FNDC3B: variants seen among roughly 807,000 people sequenced by gnomAD.
FNDC3B encodes fibronectin type III domain-containing protein 3B.
Under a neutral mutation model 151.5 loss-of-function variants are expected in FNDC3B, and 12 were observed. The ratio of observed to expected loss-of-function variants is 0.08; its 90% CI spans 0.05 to 0.13. FNDC3B has a LOEUF of 0.13. FNDC3B is among the 10% of genes least tolerant of loss of function. The pLI, the probability that FNDC3B is intolerant of heterozygous loss-of-function variation, is 1.00. For missense variants in FNDC3B, 1,214 were observed against 1,505.3 expected (o/e 0.81, Z 3.20); for synonymous variants, 528 against 549.0 (o/e 0.96, Z 0.54).
At chr3:172,192,349 T>C (rs1724563920) in intron 3 of FNDC3B, among the ~76,000 whole-genome samples, 1 of 151,728 alleles carries the variant, frequency 6.6e-6, no homozygotes, top group Admixed American at 6.6e-5. Context: ...ATTATTATTA[T>C]TATTATTTTG....
intron 21 of FNDC3B, among the ~76,000 whole-genome samples, chr3:172,350,077 AG>A (rs1181113868): frequency 6.6e-6 from 1 of 152,222 alleles, no homozygotes; most frequent in Admixed American, 6.5e-5. Flanking sequence ...CTTTTCTGTA[AG>A]TATAAAAGTA....
chr3:172,181,895 A>G (rs573700060), intron 3 of FNDC3B, among the ~76,000 whole-genome samples: 1 of 148,868 alleles, frequency 6.7e-6, no homozygotes, highest in African/African-American at 2.5e-5. Context: ...CACTGAGTGG[A>G]TTTCATTATG....
intron 6 of FNDC3B, among the ~76,000 whole-genome samples, chr3:172,269,936 C>T (rs13071684): frequency 0.063 from 9,602 of 152,236 alleles, 401 homozygotes; most frequent in Non-Finnish European, 0.08. Context: ...CGTGAGCCAC[C>T]GCACGCGGCC....
intron 3 of FNDC3B, among the ~76,000 whole-genome samples, chr3:172,220,823 G>A (rs1726242125): frequency 6.6e-6 from 1 of 152,100 alleles, no homozygotes. Context: ...GCTGGGTGTG[G>A]TGGCTCATGC....
intron 3 of FNDC3B, among the ~76,000 whole-genome samples, chr3:172,137,471 C>T (rs1721427698): frequency 6.6e-6 from 1 of 152,044 alleles, no homozygotes; most frequent in South Asian, 2.1e-4. Context: ...GCCTGGGCAA[C>T]ATAGTGAGAC....
chr3:172,151,603 T>C (rs1722226108), intron 3 of FNDC3B, among the ~76,000 whole-genome samples: 1 of 152,228 alleles, frequency 6.6e-6, no homozygotes, highest in Admixed American at 6.5e-5. Context: ...TGAGATTTGG[T>C]AGTTTTAATT....
In FNDC3B at chr3:172,066,782, T is replaced by G. The variant is rs553312620; in HGVS notation, c.-29+27011T>G. On this transcript the variant is annotated intron_variant, in intron 1 of 25. Transcript: ENST00000415807. Reference sequence around the variant, plus strand: ...GTTGCATACTTCAGAAAGGAATTTTTATCTGTTTTGAGATTCTGGTCTATA... The same window carrying G: ...GTTGCATACTTCAGAAAGGAATTTTGATCTGTTTTGAGATTCTGGTCTATA... Among the ~76,000 whole-genome samples, 8 of 152,360 alleles carry G rather than the reference T, an allele frequency of 5.3e-5. No homozygotes were observed. The South Asian group carries it at 8.3e-4, about 16-fold the overall frequency.
In FNDC3B at chr3:172,244,837, A is replaced by G. The variant is rs190874257; in HGVS notation, c.265-2696A>G. On this transcript the variant is annotated intron_variant, in intron 4 of 25. Transcript: ENST00000415807. Reference sequence around the variant, plus strand: ...GATGGGGTTTCACCATGTTGGCCAGACTGGTCTTGAACTTCTGACCTCAGA... The same window carrying G: ...GATGGGGTTTCACCATGTTGGCCAGGCTGGTCTTGAACTTCTGACCTCAGA... Among the ~76,000 whole-genome samples, 36 of 152,022 alleles carry G rather than the reference A, an allele frequency of 2.4e-4. No homozygotes were observed. In the East Asian group the frequency reaches 4.6e-3, roughly 20 times the overall value.
intron 3 of FNDC3B, among the ~76,000 whole-genome samples, chr3:172,217,511 G>T (rs1431951670): frequency 1.3e-5 from 2 of 152,122 alleles, no homozygotes; most frequent in Non-Finnish European, 2.9e-5. Flanking sequence ...GTAGTTTGTT[G>T]TTTATGTATG....
At chr3:172,271,482 A>AT (rs758446730) in intron 6 of FNDC3B, among the ~76,000 whole-genome samples, 24 of 151,234 alleles carry the variant, frequency 1.6e-4, no homozygotes, top group Non-Finnish European at 3.1e-4. Flanking sequence ...TACTCAGCAC[A>AT]TTTTTTGTTG....
intron 3 of FNDC3B, among the ~76,000 whole-genome samples, chr3:172,169,422 A>C (rs1723182596): frequency 6.6e-6 from 1 of 152,236 alleles, no homozygotes; most frequent in Non-Finnish European, 1.5e-5. Flanking sequence ...CAAGATACTA[A>C]GATAAATGCA....
chr3:172,158,209 G>A (rs1722590737), intron 3 of FNDC3B, among the ~76,000 whole-genome samples: 1 of 152,182 alleles, frequency 6.6e-6, no homozygotes, highest in Non-Finnish European at 1.5e-5. Context: ...CAGTACCCAA[G>A]AGTACACTGC....
chr3:172,296,770 A>T (rs989889091), intron 8 of FNDC3B, among the ~76,000 whole-genome samples: 2 of 152,230 alleles, frequency 1.3e-5, no homozygotes, highest in Non-Finnish European at 2.9e-5. Context: ...TCTGAACTGC[A>T]CGGACCCACT....
intron 1 of FNDC3B, among the ~76,000 whole-genome samples, chr3:172,107,476 G>A (rs898418365): frequency 2.0e-5 from 3 of 152,202 alleles, no homozygotes; most frequent in South Asian, 4.2e-4. Flanking sequence ...GTGTGTTGGG[G>A]GACAGTGTGG....
intron 3 of FNDC3B, among the ~76,000 whole-genome samples, chr3:172,155,739 G>A (rs1216267920): frequency 6.6e-6 from 1 of 152,164 alleles, no homozygotes; most frequent in African/African-American, 2.4e-5. Flanking sequence ...TATGTAATAG[G>A]CCTATTTCCA....
intron 23 of FNDC3B, among the ~76,000 whole-genome samples, chr3:172,371,052 T>A (rs996842848): frequency 2.6e-5 from 4 of 152,186 alleles, no homozygotes; most frequent in Admixed American, 2.6e-4. Flanking sequence ...TCCACCATTA[T>A]AGTATCACAC....
chr3:172,352,832 C>T lies in FNDC3B; in HGVS notation c.2544C>T (p.Tyr848=), dbSNP rs765053511. 1.1e-5 allele frequency: 17 copies of T among 1,613,970 alleles called. No individual in the cohort carries two copies. The South Asian group carries it at 1.5e-4, about 15-fold the overall frequency. ...TCAATCAAGCAGGGGCAGGGCCGTA[C>T]AGTGAACTTGTCCTTTGCCAGACGC... ...QAFNQAGAGP[Y]SELVLCQTPA... Residue 848 remains tyrosine (Y), a synonymous_variant, in exon 22 of 26, where the codon TAC becomes TAT. Coordinates refer to ENST00000415807, the MANE Select transcript of FNDC3B (RefSeq NM_022763.4). This position sits in a 1 kb window ranked among gnomAD's most constrained non-coding sequence, Gnocchi z 4.2.
chr3:172,160,107 C>G (rs111456742), intron 3 of FNDC3B, among the ~76,000 whole-genome samples: 11 of 152,328 alleles, frequency 7.2e-5, no homozygotes, highest in African/African-American at 2.6e-4. Context: ...TGTTTTCACT[C>G]TTTTTCATCT....
chr3:172,139,148 A>T (rs1258925593), intron 3 of FNDC3B, among the ~76,000 whole-genome samples: 1 of 150,840 alleles, frequency 6.6e-6, no homozygotes, highest in African/African-American at 2.4e-5. Context: ...GTTTTTCCTT[A>T]TGTGATACTT....
Sources: allele counts gnomAD v4.1 joint callset (sites outside exome capture counted in the v4.1 genomes callset), GRCh38; gene constraint gnomAD v4.1.1; non-coding constraint Gnocchi (gnomAD v3.1); transcripts MANE v1.5; gene names NCBI Gene and HGNC (gene_info 2026-07-23, HGNC 2026-07-21).